SAMD13: variants seen among roughly 807,000 people sequenced by gnomAD.
SAMD13 encodes the protein sterile alpha motif domain containing 13.
SAMD13 carries 9 observed loss-of-function variants against 12.4 expected under a neutral mutation model. The observed-to-expected ratio is 0.72, with a 90% CI of 0.44 to 1.26. The LOEUF (loss-of-function observed/expected upper bound fraction) is 1.26. Among genes scored for constraint, SAMD13 ranks in the 50% most tolerant of loss-of-function variants. The pLI is 0.00. For synonymous variants in SAMD13, 46 were observed against 45.4 expected (o/e 1.01, Z -0.05); for missense variants, 84 against 119.6 (o/e 0.70, Z 1.39).
At chr1:84,336,119 G>C (rs911848621) in intron 3 of SAMD13, among the ~76,000 whole-genome samples, 1 of 152,084 alleles carries the variant, frequency 6.6e-6, no homozygotes, top group South Asian at 2.1e-4. Context: ...AAACTTTCAC[G>C]GACAATATCC....
At chr1:84,336,902 G>C (rs1483716799) in intron 3 of SAMD13, among the ~76,000 whole-genome samples, 1 of 152,176 alleles carries the variant, frequency 6.6e-6, no homozygotes, top group East Asian at 1.9e-4. Flanking sequence ...CATTCCAAAT[G>C]GGAGAAATTG....
chr1:84,331,215 G>A (rs533665912), intron 3 of SAMD13, among the ~76,000 whole-genome samples: 48 of 151,268 alleles, frequency 3.2e-4, no homozygotes, highest in Admixed American at 6.0e-4. Context: ...TTCTAATCAC[G>A]GCCAAATCGA....
intron 2 of SAMD13, among the ~76,000 whole-genome samples, chr1:84,325,361 G>A (rs564757241): frequency 7.9e-5 from 12 of 152,264 alleles, no homozygotes; most frequent in Admixed American, 4.6e-4. Context: ...AGGTCATATC[G>A]TAAAAGGCCA....
intron 2 of SAMD13, among the ~76,000 whole-genome samples, chr1:84,323,166 G>T (rs911581700): frequency 5.3e-5 from 8 of 152,172 alleles, no homozygotes; most frequent in Admixed American, 5.2e-4. Context: ...TTGGAACAAT[G>T]AACTCCTTTC....
intron 3 of SAMD13, among the ~76,000 whole-genome samples, chr1:84,345,537 C>A (rs574838748): frequency 7.2e-5 from 11 of 152,300 alleles, no homozygotes; most frequent in African/African-American, 2.2e-4. Context: ...CCATCTGGGA[C>A]AGTAGAGGCC....
chr1:84,300,373 A>G (rs1373916073), upstream of SAMD13, among the ~76,000 whole-genome samples: 1 of 152,252 alleles, frequency 6.6e-6, no homozygotes, highest in African/African-American at 2.4e-5. Context: ...AATTTCTAAT[A>G]TAATTCCTGG....
At chr1:84,298,887 A>G (rs2101780606), upstream of SAMD13, among the ~76,000 whole-genome samples, 1 of 151,426 alleles carries the variant, frequency 6.6e-6, no homozygotes, top group Middle Eastern at 3.4e-3. Flanking sequence ...TCCACCCTCC[A>G]CTTTCCAAAG....
rs771822063 is a variant in SAMD13 at position 84,349,697 on chromosome 1, T to C, written c.232T>C (p.Leu78=). ...NDVLTGLQLK[L]GPALKIYEYH... is the part of the protein sequence containing the mutation. ...TGTGTTGACAGGACTTCAGTTAAAA[T>C]TGGGGCCTGCTCTGAAAATCTACGA... Residue 78 remains leucine, a synonymous_variant, in exon 4 of 4, where the codon TTG becomes CTG. Coordinates refer to ENST00000394834, the MANE Select transcript of SAMD13 (RefSeq NM_001134663.2). 3.7e-6 allele frequency: 6 copies of C among 1,613,936 alleles called. No homozygotes were observed. The Admixed American group carries it at 5.0e-5, about 13-fold the overall frequency.
chr1:84,330,020 C>T (rs1353076486), intron 3 of SAMD13, among the ~76,000 whole-genome samples: 1 of 152,158 alleles, frequency 6.6e-6, no homozygotes, highest in East Asian at 1.9e-4. Context: ...GTCAGTACCA[C>T]CTCTCTTTCC....
At chr1:84,336,572 C>T (rs1679295483) in intron 3 of SAMD13, among the ~76,000 whole-genome samples, 1 of 152,136 alleles carries the variant, frequency 6.6e-6, no homozygotes, top group African/African-American at 2.4e-5. Flanking sequence ...AAAGACCTGC[C>T]CTCATGATTC....
chr1:84,298,618 C>G (rs1678367370), upstream of SAMD13: 1 of 1,272,930 alleles, frequency 7.9e-7, no homozygotes, highest in South Asian at 3.8e-5. Flanking sequence ...CCGCCCTCTC[C>G]TCTCTCCAGG....
Position 84,313,027 on chromosome 1 carries a change from GGTTCATGA to G in SAMD13, c.53+9743_53+9750del, listed in dbSNP as rs1678748727. Among the ~76,000 whole-genome samples the G allele has an allele frequency of 2.0e-5, 3 of 151,988 alleles. No homozygotes were observed. In the South Asian group the frequency reaches 6.2e-4, roughly 32 times the overall value. The stretch of plus-strand genomic sequence containing the variant: ...ATTCCAGATTTTATTTTACCTAGTA[GGTTCATGA>G]GTATTTATTTCATTATTAAAAATAG... On this transcript the variant is annotated intron_variant, in intron 2 of 3. Coordinates refer to ENST00000394834, the MANE Select transcript of SAMD13 (RefSeq NM_001134663.2).
intron 3 of SAMD13, 97 bp downstream of exon 3, chr1:84,325,845 C>T: frequency 1.4e-6 from 1 of 725,350 alleles, no homozygotes; most frequent in Non-Finnish European, 2.5e-6. Flanking sequence ...AGGAAGAGGA[C>T]CAAAGAGCAG....
At chr1:84,299,677 T>TTATATA (rs1558432150), upstream of SAMD13, 1 of 282,272 alleles carries the variant, frequency 3.5e-6, no homozygotes, top group Non-Finnish European at 4.8e-6. Flanking sequence ...ATATATATAT[T>TTATATA]TATTTATTTA....
intron 2 of SAMD13, among the ~76,000 whole-genome samples, chr1:84,312,777 C>T (rs1292700870): frequency 1.3e-5 from 2 of 152,122 alleles, no homozygotes; most frequent in Non-Finnish European, 2.9e-5. Flanking sequence ...TACATTGAAA[C>T]TAAATTAAAT....
At chr1:84,333,880 A>G (rs1396926895) in intron 3 of SAMD13, among the ~76,000 whole-genome samples, 1 of 151,994 alleles carries the variant, frequency 6.6e-6, no homozygotes, top group Admixed American at 6.6e-5. Context: ...TGTTGAACCA[A>G]CCTTGCTTCC....
At chr1:84,306,423 T>A (rs1279600206) in intron 2 of SAMD13, among the ~76,000 whole-genome samples, 1 of 151,876 alleles carries the variant, frequency 6.6e-6, no homozygotes, top group East Asian at 1.9e-4. Context: ...ATAAAGACAG[T>A]TTTAATTCTT....
intron 2 of SAMD13, among the ~76,000 whole-genome samples, chr1:84,307,216 T>C (rs937193867): frequency 2.0e-5 from 3 of 152,246 alleles, no homozygotes; most frequent in African/African-American, 7.2e-5. Flanking sequence ...CATTGATGAT[T>C]GGTTCATTTT....
chr1:84,335,455 C>T (rs944027609), intron 3 of SAMD13, among the ~76,000 whole-genome samples: 2 of 152,072 alleles, frequency 1.3e-5, no homozygotes, highest in African/African-American at 4.8e-5. Context: ...GTAAGATGGG[C>T]CTCTTGAGGG....
Sources: allele counts gnomAD v4.1 joint callset (sites outside exome capture counted in the v4.1 genomes callset), GRCh38; gene constraint gnomAD v4.1.1; transcripts MANE v1.5; gene names NCBI Gene and HGNC (gene_info 2026-07-23, HGNC 2026-07-21).